Variants in EDIL3 observed in about 807,000 individuals in gnomAD.
EDIL3 encodes the protein EGF like and discoidin domains 3, also known as EGF-like repeat and discoidin I-like domain-containing protein 3.
EDIL3 carries 37 observed loss-of-function variants against 67.4 expected under a neutral mutation model. The ratio of observed to expected loss-of-function variants is 0.55; its 90% CI spans 0.42 to 0.72. The LOEUF is 0.72. EDIL3 is among the 30% of genes least tolerant of loss of function. The probability of loss-of-function intolerance (pLI) is 0.00; values close to 1 mark genes in which losing one functional copy is unlikely to be tolerated. For missense variants in EDIL3, 527 were observed against 586.3 expected (o/e 0.90, Z 1.04); for synonymous variants, 195 against 196.3 (o/e 0.99, Z 0.05).
chr5:84,068,030 T>C (rs957797559), intron 6 of EDIL3, among the ~76,000 whole-genome samples: 2 of 152,146 alleles, frequency 1.3e-5, no homozygotes, highest in Admixed American at 6.5e-5. Context: ...AAAAAGACAA[T>C]ATCCCTCATG....
At chr5:84,237,034 G>C (rs1321049269) in intron 2 of EDIL3, among the ~76,000 whole-genome samples, 1 of 151,916 alleles carries the variant, frequency 6.6e-6, no homozygotes, top group South Asian at 2.1e-4. Flanking sequence ...CCATGAAGCC[G>C]AGGCTACCAG....
At position 84,075,821 on chromosome 5, in the gene EDIL3, C is replaced by T. The variant is rs542041606; in HGVS notation, c.652-9215G>A. 1.3e-3 allele frequency among the ~76,000 whole-genome samples: 191 copies of T among 151,682 alleles called. 1 individual carries two copies. The highest frequency in any genetic ancestry group is 4.0e-3 in the South Asian group (19 of 4,794). On this transcript the variant is annotated intron_variant, in intron 6 of 10. Coordinates refer to ENST00000296591, the MANE Select transcript of EDIL3 (RefSeq NM_005711.5). ...ACACTAGTTCTCAACCATATGGTCT[C>T]GGTACTTTTTTAAACCTTGTACAAA...
In EDIL3 at chr5:84,026,881, T is replaced by G. The variant is rs998988131; in HGVS notation, c.1137+33419A>C. Among the ~76,000 whole-genome samples the G allele has an allele frequency of 3.3e-5, 5 of 151,952 alleles. No individual in the cohort carries two copies. In the South Asian group the frequency reaches 1.0e-3, roughly 32 times the overall value. ...CAGGCTGATCACTTGAGCCCAGGAG[T>G]TTGAGACCAGCCTGGCAACATGGCA... On this transcript the variant is annotated intron_variant, in intron 9 of 10. Coordinates refer to ENST00000296591, the MANE Select transcript of EDIL3 (RefSeq NM_005711.5).
At chr5:84,322,936 A>T (rs1420811546) in intron 1 of EDIL3, among the ~76,000 whole-genome samples, 1 of 152,004 alleles carries the variant, frequency 6.6e-6, no homozygotes, top group East Asian at 1.9e-4. Flanking sequence ...AAGAAAAAAA[A>T]TGTCAATCAA....
chr5:84,348,881 G>A (rs1213838613), intron 1 of EDIL3, among the ~76,000 whole-genome samples: 1 of 152,000 alleles, frequency 6.6e-6, no homozygotes, highest in East Asian at 1.9e-4. Flanking sequence ...AACCTCTTTC[G>A]TGCTTTGTTA....
intron 5 of EDIL3, among the ~76,000 whole-genome samples, chr5:84,121,161 G>A (rs1486634919): frequency 2.0e-5 from 3 of 151,898 alleles, no homozygotes; most frequent in Admixed American, 6.6e-5. Flanking sequence ...CATTCCTTAC[G>A]AATCTGGGTC....
intron 6 of EDIL3, among the ~76,000 whole-genome samples, chr5:84,096,931 C>A (rs1016870930): frequency 6.6e-6 from 1 of 152,122 alleles, no homozygotes; most frequent in Non-Finnish European, 1.5e-5. Context: ...AGTTTCCCTG[C>A]ACAAGCTCTC....
intron 9 of EDIL3, among the ~76,000 whole-genome samples, chr5:83,973,085 TG>T (rs1462626951): frequency 1.3e-5 from 2 of 152,100 alleles, no homozygotes; most frequent in Non-Finnish European, 2.9e-5. Flanking sequence ...ACTGGATTAC[TG>T]AAAGTGACTT....
intron 10 of EDIL3, among the ~76,000 whole-genome samples, chr5:83,959,192 G>C (rs1287265213): frequency 6.9e-6 from 1 of 145,176 alleles, no homozygotes; most frequent in Non-Finnish European, 1.5e-5. Context: ...TGTGTGTGTG[G>C]GTGTGTATAT....
intron 4 of EDIL3, among the ~76,000 whole-genome samples, chr5:84,163,533 C>G (rs2112342004): frequency 6.6e-6 from 1 of 152,098 alleles, no homozygotes; most frequent in Non-Finnish European, 1.5e-5. Flanking sequence ...CACTAAATAT[C>G]TTGGATGACT....
intron 1 of EDIL3, among the ~76,000 whole-genome samples, chr5:84,308,958 G>GCAAATAGTTA (rs1746326367): frequency 6.6e-6 from 1 of 152,058 alleles, no homozygotes; most frequent in African/African-American, 2.4e-5. Context: ...ACAAATAGTT[G>GCAAATAGTTA]ATTAGATTTT....
chr5:84,059,944 T>A (rs1440862284), intron 9 of EDIL3, among the ~76,000 whole-genome samples: 2 of 152,196 alleles, frequency 1.3e-5, no homozygotes, highest in Admixed American at 1.3e-4. Context: ...ATGATTTCAA[T>A]GCCCTTTGGA....
chr5:84,071,646 C>A (rs977488940), intron 6 of EDIL3, among the ~76,000 whole-genome samples: 1 of 152,154 alleles, frequency 6.6e-6, no homozygotes, highest in African/African-American at 2.4e-5. Context: ...TGTTATAAAA[C>A]CCTTTCCAGA....
chr5:84,072,156 AT>A (rs1349148407), intron 6 of EDIL3, among the ~76,000 whole-genome samples: 1 of 152,080 alleles, frequency 6.6e-6, no homozygotes, highest in African/African-American at 2.4e-5. Flanking sequence ...TAAAGTAAAA[AT>A]TTCTGCAAGA....
chr5:84,272,340 A>T (rs570124140), intron 1 of EDIL3, among the ~76,000 whole-genome samples: 128 of 151,934 alleles, frequency 8.4e-4, no homozygotes, highest in Non-Finnish European at 1.6e-3. Context: ...TATATATTAT[A>T]ATTATAAATA....
intron 3 of EDIL3, among the ~76,000 whole-genome samples, chr5:84,227,315 A>G (rs1428633471): frequency 6.6e-6 from 1 of 152,108 alleles, no homozygotes; most frequent in East Asian, 1.9e-4. Flanking sequence ...ACAAGAAGCC[A>G]ACAAGCATGT....
intron 9 of EDIL3, among the ~76,000 whole-genome samples, chr5:83,973,131 G>T (rs1261872236): frequency 6.6e-6 from 1 of 152,028 alleles, no homozygotes; most frequent in Non-Finnish European, 1.5e-5. Context: ...ATCACCCTGG[G>T]TGAGCAGAAT....
At chr5:84,012,794 TC>T (rs1279965798) in intron 9 of EDIL3, among the ~76,000 whole-genome samples, 1 of 152,016 alleles carries the variant, frequency 6.6e-6, no homozygotes. Flanking sequence ...GATAAAGGAA[TC>T]AAAGAAATTC....
intron 1 of EDIL3, among the ~76,000 whole-genome samples, chr5:84,378,031 A>G (rs1748002250): frequency 6.6e-6 from 1 of 152,228 alleles, no homozygotes; most frequent in Admixed American, 6.5e-5. Flanking sequence ...AGGACATTTT[A>G]TCTACATTGT....
Sources: allele counts gnomAD v4.1 joint callset (sites outside exome capture counted in the v4.1 genomes callset), GRCh38; gene constraint gnomAD v4.1.1; transcripts MANE v1.5; gene names NCBI Gene and HGNC (gene_info 2026-07-23, HGNC 2026-07-21).